The following KAT6B variants were observed in gnomAD, a reference collection of about 807,000 sequenced individuals.
KAT6B encodes lysine acetyltransferase 6B, also known as histone acetyltransferase KAT6B.
In KAT6B, 10 loss-of-function variants were observed where a neutral mutation model predicts 187.5. The observed-to-expected ratio is 0.05, with a 90% CI of 0.03 to 0.09. KAT6B has a LOEUF of 0.09. Among genes scored for constraint, KAT6B ranks in the 10% least tolerant of loss-of-function variants. The pLI is 1.00. For missense variants in KAT6B, 1,952 were observed against 2,558.9 expected, an observed-to-expected ratio of 0.76 and a Z score of 5.12; for synonymous variants, 861 against 926.8, an observed-to-expected ratio of 0.93 and a Z score of 1.29.
chr10:74,934,562 T>G (rs1389906358), intron 3 of KAT6B, among the ~76,000 whole-genome samples: 3 of 152,076 alleles, frequency 2.0e-5, no homozygotes, highest in African/African-American at 7.2e-5. Context: ...ACGCCACACA[T>G]CAGAATCGAT....
intron 3 of KAT6B, among the ~76,000 whole-genome samples, chr10:74,922,110 TCTAA>T (rs757009986): frequency 6.6e-6 from 1 of 151,950 alleles, no homozygotes; most frequent in African/African-American, 2.4e-5. Context: ...TGTAGATGTG[TCTAA>T]CTGAGTCTTT....
At chr10:75,015,132 T>C (rs1434570029) in intron 13 of KAT6B, among the ~76,000 whole-genome samples, 2 of 152,222 alleles carry the variant, frequency 1.3e-5, no homozygotes, top group Non-Finnish European at 2.9e-5. Context: ...TCAGGTGATG[T>C]TGATGCCACA....
At chr10:75,026,145 CAAAAAAAAAA>C (rs34942626) in intron 17 of KAT6B, 2 of 91,262 alleles carry the variant, frequency 2.2e-5, no homozygotes, top group African/African-American at 8.7e-5. Context: ...GACCCTTTCT[CAAAAAAAAAA>C]AAAAAAAAAG....
intron 3 of KAT6B, among the ~76,000 whole-genome samples, chr10:74,906,209 G>T (rs1236788580): frequency 6.6e-6 from 1 of 152,170 alleles, no homozygotes; most frequent in African/African-American, 2.4e-5. Context: ...AGACCAGCCT[G>T]ACCAACATGG....
chr10:74,860,735 C>G (rs1277317716), intron 3 of KAT6B, among the ~76,000 whole-genome samples: 1 of 152,182 alleles, frequency 6.6e-6, no homozygotes, highest in Non-Finnish European at 1.5e-5. Flanking sequence ...TGGTGGCTCA[C>G]GCCTGTAACC....
At chr10:74,996,053 G>T (rs1273210279) in intron 13 of KAT6B, among the ~76,000 whole-genome samples, 2 of 152,184 alleles carry the variant, frequency 1.3e-5, no homozygotes, top group Admixed American at 1.3e-4. Flanking sequence ...GGTGGTGAGG[G>T]AGGTGGCACC....
intron 3 of KAT6B, among the ~76,000 whole-genome samples, chr10:74,956,237 A>G (rs543402384): frequency 1.3e-5 from 2 of 152,128 alleles, no homozygotes; most frequent in Non-Finnish European, 2.9e-5. Context: ...TTGTTTCTTT[A>G]TGATTGGACT....
chr10:74,883,290 A>G (rs570318002), intron 3 of KAT6B, among the ~76,000 whole-genome samples: 33 of 152,286 alleles, frequency 2.2e-4, no homozygotes, highest in Admixed American at 3.9e-4. Flanking sequence ...CAGAATGTAC[A>G]TGCTCCCAGA....
intron 13 of KAT6B, among the ~76,000 whole-genome samples, chr10:75,010,707 C>T (rs928378028): frequency 6.6e-6 from 1 of 152,130 alleles, no homozygotes; most frequent in African/African-American, 2.4e-5. Context: ...ATGTAAATAG[C>T]ACCCCTCTCC....
chr10:74,932,484 A>G (rs568325406), intron 3 of KAT6B, among the ~76,000 whole-genome samples: 1 of 144,984 alleles, frequency 6.9e-6, no homozygotes, highest in African/African-American at 2.8e-5. Flanking sequence ...CTGGTGGATC[A>G]GTAACCTTTC....
chr10:74,849,828 G>A (rs1842354090), intron 3 of KAT6B, among the ~76,000 whole-genome samples: 1 of 152,108 alleles, frequency 6.6e-6, no homozygotes, highest in African/African-American at 2.4e-5. Flanking sequence ...AAGCTTAAGT[G>A]ATTTGCCCAA....
At chr10:74,993,532 TA>T (rs1843240968) in intron 13 of KAT6B, among the ~76,000 whole-genome samples, 1 of 152,220 alleles carries the variant, frequency 6.6e-6, no homozygotes, top group Non-Finnish European at 1.5e-5. Flanking sequence ...TACAAATTAT[TA>T]AAATCAAGAT....
chr10:74,854,809 T>A (rs1386158070), intron 3 of KAT6B, among the ~76,000 whole-genome samples: 1 of 152,224 alleles, frequency 6.6e-6, no homozygotes, highest in Non-Finnish European at 1.5e-5. Flanking sequence ...TTTTGTCCTT[T>A]CTATTAGAAA....
At chr10:74,946,163 T>C (rs555969826) in intron 3 of KAT6B, among the ~76,000 whole-genome samples, 2 of 152,352 alleles carry the variant, frequency 1.3e-5, no homozygotes, top group East Asian at 3.9e-4. Flanking sequence ...TTAGTTTTGA[T>C]AATTTTGTCT....
chr10:74,828,736 T>G (rs1341584620), intron 1 of KAT6B, among the ~76,000 whole-genome samples: 1 of 151,640 alleles, frequency 6.6e-6, no homozygotes, highest in Admixed American at 6.6e-5. Context: ...CCCCGCTAAT[T>G]TTTTGTATAT....
At chr10:74,909,326 G>A (rs925082620) in intron 3 of KAT6B, among the ~76,000 whole-genome samples, 4 of 152,182 alleles carry the variant, frequency 2.6e-5, no homozygotes, top group African/African-American at 4.8e-5. Flanking sequence ...AGCTGAGATC[G>A]CATCATTGTA....
At chr10:74,985,916 C>A (rs1413727962) in intron 12 of KAT6B, among the ~76,000 whole-genome samples, 1 of 152,036 alleles carries the variant, frequency 6.6e-6, no homozygotes, top group African/African-American at 2.4e-5. Context: ...CCTGGTGGTG[C>A]ACGCCTGTAG....
chr10:74,983,322 G>A (rs978595484), intron 11 of KAT6B: 1 of 152,736 alleles, frequency 6.5e-6, no homozygotes, highest in East Asian at 1.9e-4. Context: ...GTCTCCAGAC[G>A]TAGCCAAACA....
At chr10:74,961,823 T>C (rs1841116155) in intron 4 of KAT6B, among the ~76,000 whole-genome samples, 1 of 152,238 alleles carries the variant, frequency 6.6e-6, no homozygotes, top group Non-Finnish European at 1.5e-5. Flanking sequence ...TGTTATGTTT[T>C]CTCTGTTCAA....
Sources: gnomAD v4.1 joint callset for allele counts (sites outside exome capture counted in the v4.1 genomes callset) on GRCh38, gnomAD v4.1.1 for gene constraint, MANE v1.5 for transcripts, NCBI Gene and HGNC (gene_info 2026-07-23, HGNC 2026-07-21) for gene names.